DCST2: variants seen among roughly 807,000 people sequenced by gnomAD.
DCST2 encodes the protein DC-STAMP domain-containing protein 2.
A neutral mutation model predicts 81.8 loss-of-function variants in DCST2; 64 were observed. That is an observed-to-expected ratio of 0.78 (90% CI 0.64 to 0.96). The LOEUF is 0.96. Ranked by LOEUF, DCST2 falls within the 40% of genes least tolerant of loss-of-function variation. The pLI, the probability that DCST2 is intolerant of heterozygous loss-of-function variation, is 0.00. For missense variants in DCST2, 945 were observed against 1,001.4 expected (o/e 0.94, Z 0.76); for synonymous variants, 354 against 402.6 (o/e 0.88, Z 1.44).
rs201711453 is a variant in DCST2 at position 155,031,573 on chromosome 1, C to A, written c.739+1G>T. The A allele has an allele frequency of 2.9e-6, 4 of 1,394,794 alleles. No homozygotes were observed. Among genetic ancestry groups the A allele is most frequent in the Non-Finnish European group, 3.8e-6 (4 of 1,040,712 alleles). The allele number at this position is 1,394,794 out of a possible 1,614,324, so 86.4% of individuals were successfully genotyped here. A position where few individuals can be genotyped will look rare whatever the true frequency, so the allele number is the denominator to read the frequency against. ...CCGCTGGCAGACCCTGGTTTTCTCA[C>A]GGCTGGCAAGTCCACAGAGCGCCAG... On this transcript the variant is annotated splice_donor_variant, in intron 4 of 14. Transcript: ENST00000368424. LOFTEE classifies it high-confidence loss of function.
chr1:155,024,445 C>T (rs775565365), intron 11 of DCST2, 27 bp downstream of exon 11: 11 of 1,575,442 alleles, frequency 7.0e-6, no homozygotes, highest in Non-Finnish European at 8.6e-6. Flanking sequence ...TCTTGCCCCA[C>T]CCCTATAGAA....
At chr1:155,025,712 T>G (rs1659885099) in intron 10 of DCST2, among the ~76,000 whole-genome samples, 1 of 151,560 alleles carries the variant, frequency 6.6e-6, no homozygotes, top group Non-Finnish European at 1.5e-5. Flanking sequence ...TTTGTTTTGT[T>G]TTTTTGAGAC....
At position 155,033,162 on chromosome 1, in the gene DCST2, G is replaced by A. The variant is rs1346611835; in HGVS notation, c.371C>T (p.Ala124Val). ...GTTCAGGGCCAGCTCTGCCCCACAG[G>A]CTACAGCCTCGCTGGCCCGGGTGAA... ...RNFTRASEAVACGAELALNQT... is the reference protein window; with the variant it reads ...RNFTRASEAVVCGAELALNQT... Residue 124 changes from alanine (A) to valine (V), a missense_variant, in exon 2 of 15, where the codon GCC (alanine) becomes GTC (valine). Coordinates refer to ENST00000368424, the MANE Select transcript of DCST2 (RefSeq NM_144622.3). 12 of 1,611,414 alleles carry A rather than the reference G, an allele frequency of 7.4e-6. No individual in the cohort carries two copies. The highest frequency in any genetic ancestry group is 1.3e-5 in the African/African-American group (1 of 74,844).
intron 5 of DCST2, chr1:155,030,895 G>A: frequency 3.3e-6 from 2 of 605,986 alleles, no homozygotes; most frequent in Non-Finnish European, 5.8e-6. Flanking sequence ...TGATCTTGAT[G>A]ACCTGAGTGT....
chr1:155,018,899 G>A, intron 14 of DCST2, 139 bp from the exon 15 acceptor site: 2 of 831,736 alleles, frequency 2.4e-6, no homozygotes, highest in Non-Finnish European at 3.7e-6. Flanking sequence ...AGGCCCACGA[G>A]GCGTACCAGC....
chr1:155,025,842 T>C (rs1659889659), intron 10 of DCST2, among the ~76,000 whole-genome samples: 1 of 152,034 alleles, frequency 6.6e-6, no homozygotes. Context: ...CACACCACCA[T>C]GCCTGGCGTT....
intron 2 of DCST2, 62 bp from the exon 3 acceptor site, chr1:155,032,830 T>C: frequency 6.8e-7 from 1 of 1,470,046 alleles, no homozygotes; most frequent in East Asian, 2.3e-5. Context: ...TTCTCACCAT[T>C]GCCCCTTAAG....
intron 14 of DCST2, 59 bp downstream of exon 14, chr1:155,023,057 TG>T (rs1486277317): frequency 7.7e-6 from 12 of 1,565,280 alleles, no homozygotes; most frequent in Non-Finnish European, 9.5e-6. Flanking sequence ...CCTTTGCAAA[TG>T]GAACAGAACA....
chr1:155,030,176 C>G lies in DCST2; in HGVS notation c.1085G>C (p.Arg362Pro). The G allele has an allele frequency of 6.2e-7, 1 of 1,614,128 alleles. No individual in the cohort carries two copies. Among genetic ancestry groups the G allele is most frequent in the East Asian group, 2.2e-5 (1 of 44,866 alleles). Reference protein sequence around the residue: ...DHYDNIYITSRFLRMEAVRST... With the variant: ...DHYDNIYITSPFLRMEAVRST... ...GCGCACAGCCTCCATGCGCAGGAAT[C>G]GGCTAGTGATGTAGATATTGTCATA... The change falls in exon 7 of 15, where the codon CGA becomes CCA. Residue 362 changes from arginine to proline, a missense_variant. Arg to Pro is a moderately radical substitution (Grantham distance 103). Coordinates refer to ENST00000368424, the MANE Select transcript of DCST2 (RefSeq NM_144622.3).
At chr1:155,022,436 C>CCCGTG (rs1429643944) in intron 14 of DCST2, among the ~76,000 whole-genome samples, 2 of 152,228 alleles carry the variant, frequency 1.3e-5, no homozygotes, top group East Asian at 3.9e-4. Flanking sequence ...CAAAATCCAG[C>CCCGTG]CCGTGGCCAG....
intron 12 of DCST2, 179 bp downstream of exon 12, chr1:155,023,653 G>A (rs1366203212): frequency 1.3e-6 from 2 of 1,551,324 alleles, no homozygotes; most frequent in Middle Eastern, 1.7e-4. Flanking sequence ...ATAAAGGCAA[G>A]CATGGAGAAA....
At chr1:155,028,122 C>T (rs1044347485) in intron 8 of DCST2, among the ~76,000 whole-genome samples, 3 of 151,702 alleles carry the variant, frequency 2.0e-5, no homozygotes, top group Admixed American at 6.6e-5. Flanking sequence ...GATGGGGTTT[C>T]ATTATGTTGG....
At chr1:155,025,817 C>G (rs778568080) in intron 10 of DCST2, among the ~76,000 whole-genome samples, 10 of 152,026 alleles carry the variant, frequency 6.6e-5, no homozygotes, top group Admixed American at 2.6e-4. Flanking sequence ...TCCCTAGTAG[C>G]TGGGACTACA....
In DCST2 at chr1:155,024,009, C is replaced by T. The variant is rs1438451336; in HGVS notation, c.1743-50G>A. 3.2e-6 allele frequency: 5 copies of T among 1,584,624 alleles called. No individual in the cohort carries two copies. In the South Asian group the frequency reaches 4.6e-5, roughly 15 times the overall value. On this transcript the variant is annotated intron_variant, in intron 11 of 14. Coordinates refer to ENST00000368424, the MANE Select transcript of DCST2 (RefSeq NM_144622.3). ...AGCAGGCCAGCCCAGCCAGCTTAAC[C>T]CTCCCCACTCCAGCACCAACCTCCA...
chr1:155,021,703 T>A (rs1297826145), intron 14 of DCST2, among the ~76,000 whole-genome samples: 1 of 151,976 alleles, frequency 6.6e-6, no homozygotes, highest in Non-Finnish European at 1.5e-5. Context: ...AACCTGTTTA[T>A]CTTCCTGCCC....
intron 11 of DCST2, 142 bp downstream of exon 11, chr1:155,024,330 T>C (rs1451857362): frequency 8.5e-7 from 1 of 1,176,290 alleles, no homozygotes; most frequent in African/African-American, 1.6e-5. Context: ...AATTCCCACC[T>C]TTCACAGCGT....
chr1:155,029,636 T>C (rs1001199649), intron 7 of DCST2, among the ~76,000 whole-genome samples: 1 of 152,094 alleles, frequency 6.6e-6, no homozygotes, highest in Non-Finnish European at 1.5e-5. Flanking sequence ...CTGTGGCCCA[T>C]TCCAGTCTAA....
chr1:155,030,263 C>T (rs1660033212), intron 6 of DCST2, 22 bp from the exon 7 acceptor site: 2 of 1,613,834 alleles, frequency 1.2e-6, no homozygotes, highest in Non-Finnish European at 1.7e-6. Context: ...AGGTGGAGCA[C>T]ATGTGAGGCC....
In DCST2 at chr1:155,029,328, A is replaced by T. The variant is rs753257833; in HGVS notation, c.1247T>A (p.Leu416His). Residue 416 changes from leucine (L) to histidine (H), a missense_variant, in exon 8 of 15, where the codon CTC (leucine) becomes CAC (histidine). Leu to His is a moderately conservative substitution (Grantham distance 99, BLOSUM62 -3). Transcript: ENST00000368424. The part of the protein sequence containing the change: ...ILETFNLIRH[L>H]LLVLFLVFLD... ...GAAGACTAGGAACAGCACGAGGAGG[A>T]GGTGTCGGATAAGGTTGAAGGTCTC... The T allele has an allele frequency of 6.2e-6, 10 of 1,613,874 alleles. No homozygotes were observed. In the South Asian group the frequency reaches 9.9e-5, roughly 16 times the overall value.
Sources: allele counts gnomAD v4.1 joint callset (sites outside exome capture counted in the v4.1 genomes callset), GRCh38; gene constraint gnomAD v4.1.1; transcripts MANE v1.5; gene names NCBI Gene and HGNC (gene_info 2026-07-23, HGNC 2026-07-21).